MDGA2: variants seen among roughly 807,000 people sequenced by gnomAD.
The protein encoded by MDGA2 is MAM domain containing glycosylphosphatidylinositol anchor 2.
Under a neutral mutation model 117.8 loss-of-function variants are expected in MDGA2, and 40 were observed. The ratio of observed to expected loss-of-function variants is 0.34; its 90% CI spans 0.26 to 0.44. The LOEUF is 0.44. MDGA2 is among the 20% of genes least tolerant of loss of function. The pLI is 1.00. For synonymous variants in MDGA2, 452 were observed against 439.0 expected (o/e 1.03, Z -0.37); for missense variants, 1,123 against 1,250.6 (o/e 0.90, Z 1.54).
chr14:47,661,715 T>C (rs888231733), intron 1 of MDGA2, among the ~76,000 whole-genome samples: 6 of 149,396 alleles, frequency 4.0e-5, no homozygotes, highest in African/African-American at 7.3e-5. Flanking sequence ...TTCTCTTTTG[T>C]CAACTGCAAA....
intron 8 of MDGA2, among the ~76,000 whole-genome samples, chr14:47,015,204 A>G (rs985894471): frequency 1.3e-5 from 2 of 152,090 alleles, no homozygotes; most frequent in African/African-American, 2.4e-5. Context: ...TAAAATAATA[A>G]TGTCTAAGAT....
intron 1 of MDGA2, among the ~76,000 whole-genome samples, chr14:47,591,682 A>G (rs371568397): frequency 6.6e-6 from 1 of 151,654 alleles, no homozygotes; most frequent in East Asian, 1.9e-4. Flanking sequence ...AAACAAAACT[A>G]AAGACAATAT....
chr14:46,911,344 T>C (rs182840054), intron 10 of MDGA2, among the ~76,000 whole-genome samples: 10 of 152,328 alleles, frequency 6.6e-5, no homozygotes, highest in East Asian at 1.9e-4. Flanking sequence ...TGGGAAAACA[T>C]AGTCCATTAC....
chr14:47,652,234 G>C (rs1255753110), intron 1 of MDGA2, among the ~76,000 whole-genome samples: 2 of 152,118 alleles, frequency 1.3e-5, no homozygotes, highest in African/African-American at 4.8e-5. Flanking sequence ...GCTTTCTTTT[G>C]CTATAAAGTA....
chr14:46,991,865 A>G (rs1023825163), intron 8 of MDGA2, among the ~76,000 whole-genome samples: 6 of 152,142 alleles, frequency 3.9e-5, no homozygotes, highest in African/African-American at 1.4e-4. Context: ...TAGCTAGATC[A>G]CTATCTGTAA....
At chr14:47,168,444 A>G (rs771656748) in intron 3 of MDGA2, among the ~76,000 whole-genome samples, 3 of 151,822 alleles carry the variant, frequency 2.0e-5, no homozygotes, top group Non-Finnish European at 4.4e-5. Context: ...TTAATACACA[A>G]CTCTTCAGAT....
chr14:46,867,397 TG>T (rs1197706548), intron 14 of MDGA2, among the ~76,000 whole-genome samples: 1 of 148,910 alleles, frequency 6.7e-6, no homozygotes, highest in Non-Finnish European at 1.5e-5. Context: ...TGTTGTGGGG[TG>T]GGGGGAGAGG....
At chr14:47,434,529 G>A (rs934697086) in intron 1 of MDGA2, among the ~76,000 whole-genome samples, 1 of 152,200 alleles carries the variant, frequency 6.6e-6, no homozygotes, top group South Asian at 2.1e-4. Flanking sequence ...GTCAAAGAAG[G>A]TAGAATATCA....
intron 16 of MDGA2, among the ~76,000 whole-genome samples, chr14:46,844,915 T>C (rs1880766199): frequency 6.6e-6 from 1 of 152,108 alleles, no homozygotes; most frequent in South Asian, 2.1e-4. Flanking sequence ...AGACTCTTGC[T>C]CTGTCGCCCA....
At chr14:47,589,406 C>A (rs1453323774) in intron 1 of MDGA2, among the ~76,000 whole-genome samples, 1 of 151,910 alleles carries the variant, frequency 6.6e-6, no homozygotes, top group Non-Finnish European at 1.5e-5. Context: ...TGTGCACATC[C>A]ATTTGTCCCA....
intron 1 of MDGA2, among the ~76,000 whole-genome samples, chr14:47,507,508 C>T (rs916638056): frequency 1.3e-5 from 2 of 152,120 alleles, no homozygotes; most frequent in African/African-American, 4.8e-5. Flanking sequence ...AACAAGATTT[C>T]ACATAGCCAT....
intron 3 of MDGA2, 131 bp downstream of exon 3, chr14:47,217,890 G>A (rs1886155367): frequency 3.1e-6 from 2 of 642,168 alleles, no homozygotes; most frequent in Non-Finnish European, 4.8e-6. Context: ...TTTTAAGGGA[G>A]CTATCATTAT....
intron 1 of MDGA2, among the ~76,000 whole-genome samples, chr14:47,443,103 G>A (rs925717073): frequency 2.6e-5 from 4 of 152,046 alleles, no homozygotes; most frequent in Non-Finnish European, 4.4e-5. Context: ...AACAGTGCAC[G>A]TTCTCAACTT....
intron 6 of MDGA2, among the ~76,000 whole-genome samples, chr14:47,093,490 T>G (rs1455296254): frequency 6.6e-6 from 1 of 152,034 alleles, no homozygotes; most frequent in Non-Finnish European, 1.5e-5. Flanking sequence ...GAGCTCAGGG[T>G]GTACAACACG....
At chr14:47,480,719 C>G (rs925145363) in intron 1 of MDGA2, among the ~76,000 whole-genome samples, 2 of 151,852 alleles carry the variant, frequency 1.3e-5, no homozygotes, top group African/African-American at 4.8e-5. Context: ...TTAAATACCT[C>G]TAGTGGCTTC....
chr14:47,473,549 A>C (rs1387586057), intron 1 of MDGA2, among the ~76,000 whole-genome samples: 4 of 152,190 alleles, frequency 2.6e-5, no homozygotes, highest in Non-Finnish European at 5.9e-5. Flanking sequence ...CCTCTTTTAA[A>C]TGTAAAAAAC....
At chr14:47,413,537 A>G (rs1892415118) in intron 1 of MDGA2, among the ~76,000 whole-genome samples, 1 of 152,196 alleles carries the variant, frequency 6.6e-6, no homozygotes, top group African/African-American at 2.4e-5. Flanking sequence ...ATAATTGGAA[A>G]GAGTCAAACG....
chr14:47,621,715 C>A (rs555607833), intron 1 of MDGA2, among the ~76,000 whole-genome samples: 1 of 152,296 alleles, frequency 6.6e-6, no homozygotes, highest in East Asian at 1.9e-4. Context: ...CTACTGTGGT[C>A]TGAATGTTGG....
At chr14:47,613,460 C>CTG (rs1284529400) in intron 1 of MDGA2, among the ~76,000 whole-genome samples, 9 of 117,394 alleles carry the variant, frequency 7.7e-5, no homozygotes, top group African/African-American at 3.0e-4. Context: ...CTTCATTTAT[C>CTG]TCTCTCTCTC....
Sources: gnomAD v4.1 joint callset for allele counts (sites outside exome capture counted in the v4.1 genomes callset) on GRCh38, gnomAD v4.1.1 for gene constraint, MANE v1.5 for transcripts, NCBI Gene and HGNC (gene_info 2026-07-23, HGNC 2026-07-21) for gene names.